Variants in SLC36A1 observed in about 807,000 individuals in gnomAD.
The protein encoded by SLC36A1 is proton-coupled amino acid transporter 1.
Under a neutral mutation model 47.5 loss-of-function variants are expected in SLC36A1, and 30 were observed. That is an observed-to-expected ratio of 0.63 (90% CI 0.47 to 0.86). The LOEUF (loss-of-function observed/expected upper bound fraction) is 0.86. Among genes scored for constraint, SLC36A1 ranks in the 40% least tolerant of loss-of-function variants. The pLI is 0.00. For missense variants in SLC36A1, 517 were observed against 606.0 expected, an observed-to-expected ratio of 0.85 and a Z score of 1.54; for synonymous variants, 255 against 249.7, an observed-to-expected ratio of 1.02 and a Z score of -0.20.
the SLC36A1 span, chr5:151,545,289 GC>G: frequency 6.2e-7 from 1 of 1,614,134 alleles, no homozygotes; most frequent in Non-Finnish European, 8.5e-7. Flanking sequence ...CTTGATACAA[GC>G]CATCAGAAGC....
upstream of SLC36A1, among the ~76,000 whole-genome samples, chr5:151,446,208 G>A (rs1007947582): frequency 2.0e-5 from 3 of 151,812 alleles, no homozygotes; most frequent in Admixed American, 6.6e-5. Context: ...TAAATTTCCC[G>A]TTTGATTTCA....
At chr5:151,399,084 ATTTTTT>A in the SLC36A1 span, among the ~76,000 whole-genome samples, 1 of 60,068 alleles carries the variant, frequency 1.7e-5, no homozygotes, top group African/African-American at 5.6e-5. Context: ...ATATATATAT[ATTTTTT>A]TTTTTTTTTT....
the SLC36A1 span, among the ~76,000 whole-genome samples, chr5:151,353,121 T>C: frequency 1.3e-5 from 2 of 152,208 alleles, no homozygotes; most frequent in Admixed American, 6.5e-5. Flanking sequence ...CCAGGAACCA[T>C]GGATGAAAAC....
chr5:151,534,360 G>C, the SLC36A1 span: 2 of 1,469,038 alleles, frequency 1.4e-6, no homozygotes, highest in East Asian at 4.8e-5. Context: ...CCTTGCCCAA[G>C]GTGACCCAGG....
the SLC36A1 span, chr5:151,540,891 T>G: frequency 3.9e-6 from 3 of 778,164 alleles, no homozygotes; most frequent in Admixed American, 3.1e-5. Flanking sequence ...CTTCCTTAAC[T>G]AGGAACCCAC....
the SLC36A1 span, chr5:151,540,903 A>G: frequency 1.5e-6 from 1 of 672,026 alleles, no homozygotes; most frequent in Non-Finnish European, 2.4e-6. Flanking sequence ...GGAACCCACG[A>G]TTCTACACTG....
At chr5:151,549,444 T>A in the SLC36A1 span, 141 of 1,614,052 alleles carry the variant, frequency 8.7e-5, 1 homozygote, top group Middle Eastern at 8.3e-4. Context: ...GAGGTTTCCA[T>A]CCTCCACATG....
chr5:151,442,955 A>G (rs1312128727), upstream of SLC36A1, among the ~76,000 whole-genome samples: 1 of 152,134 alleles, frequency 6.6e-6, no homozygotes, highest in African/African-American at 2.4e-5. Flanking sequence ...AGTTTCATCC[A>G]TGTTGTGGCA....
Position 151,465,175 on chromosome 5 carries a change from T to A in SLC36A1, c.419+6T>A, listed in dbSNP as rs1561752015. ...AACCACGCACACTGGGGAAGGTAAC[T>A]GATTTCCTCCTTCCTTTCAACTGTG... On this transcript the variant is annotated splice_donor_region_variant and intron_variant, in intron 5 of 10. Transcript: ENST00000243389. 1.2e-6 allele frequency: 2 copies of A among 1,610,660 alleles called. No homozygotes were observed. The highest frequency in any genetic ancestry group is 1.7e-6 in the Non-Finnish European group (2 of 1,176,956).
the SLC36A1 span, chr5:151,507,337 T>C: frequency 8.2e-4 from 1,321 of 1,614,176 alleles, 23 homozygotes; most frequent in South Asian, 0.014. Context: ...TTGAGGTTGT[T>C]GCAGGAGCTG....
At chr5:151,478,357 T>G (rs1282667016) in intron 9 of SLC36A1, among the ~76,000 whole-genome samples, 1 of 152,200 alleles carries the variant, frequency 6.6e-6, no homozygotes, top group East Asian at 1.9e-4. Context: ...TCACAGACTG[T>G]TTTCCTACTC....
intron 1 of SLC36A1, among the ~76,000 whole-genome samples, chr5:151,452,061 T>C (rs1753736742): frequency 6.6e-6 from 1 of 152,142 alleles, no homozygotes; most frequent in Non-Finnish European, 1.5e-5. Context: ...GGCCCTAACA[T>C]TTAGTGATCT....
intron 7 of SLC36A1, among the ~76,000 whole-genome samples, 187 bp downstream of exon 7, chr5:151,468,112 G>A (rs1387447120): frequency 6.6e-6 from 1 of 150,408 alleles, no homozygotes; most frequent in Non-Finnish European, 1.5e-5. Flanking sequence ...AGAAAAATTA[G>A]GCATGGGGGT....
chr5:151,352,385 AAAATATTC>A, the SLC36A1 span, among the ~76,000 whole-genome samples: 1 of 152,310 alleles, frequency 6.6e-6, no homozygotes, highest in South Asian at 2.1e-4. Context: ...AGGCTCTCAA[AAAATATTC>A]AATGAATGAA....
chr5:151,355,695 A>T, the SLC36A1 span, among the ~76,000 whole-genome samples: 1 of 152,224 alleles, frequency 6.6e-6, no homozygotes, highest in Admixed American at 6.5e-5. Flanking sequence ...GAGATTTAGG[A>T]TATATTACTG....
At chr5:151,519,067 G>C in the SLC36A1 span, among the ~76,000 whole-genome samples, 1 of 152,244 alleles carries the variant, frequency 6.6e-6, no homozygotes. Flanking sequence ...ATTCCAGCTG[G>C]ACGCAGTGGC....
At chr5:151,444,547 G>A (rs1000003823), upstream of SLC36A1, among the ~76,000 whole-genome samples, 13 of 151,974 alleles carry the variant, frequency 8.6e-5, no homozygotes, top group Non-Finnish European at 1.6e-4. Context: ...CTGAAGGGGC[G>A]CGATCTCAGC....
At chr5:151,377,278 T>C in the SLC36A1 span, among the ~76,000 whole-genome samples, 17 of 152,154 alleles carry the variant, frequency 1.1e-4, no homozygotes, top group African/African-American at 3.9e-4. Flanking sequence ...ATTTTCTGTC[T>C]CAGTGATCTG....
chr5:151,554,577 G>A, the SLC36A1 span: 1 of 1,614,170 alleles, frequency 6.2e-7, no homozygotes, highest in Non-Finnish European at 8.5e-7. Context: ...AAGAGCTTGT[G>A]GGAGAATATA....
Sources: gnomAD v4.1 joint callset for allele counts (sites outside exome capture counted in the v4.1 genomes callset) on GRCh38, gnomAD v4.1.1 for gene constraint, MANE v1.5 for transcripts, NCBI Gene and HGNC (gene_info 2026-07-23, HGNC 2026-07-21) for gene names.